Variants in DDC observed in about 807,000 individuals in gnomAD.
DDC encodes aromatic-L-amino-acid decarboxylase.
A neutral mutation model predicts 60.0 loss-of-function variants in DDC; 43 were observed. The observed-to-expected ratio is 0.72, with a 90% CI of 0.56 to 0.92. DDC has a LOEUF of 0.92. DDC is among the 40% of genes least tolerant of loss of function. The probability of loss-of-function intolerance (pLI) is 0.00; values close to 1 mark genes in which losing one functional copy is unlikely to be tolerated. For synonymous variants in DDC, 232 were observed against 234.6 expected (o/e 0.99, Z 0.10); for missense variants, 573 against 620.2 (o/e 0.92, Z 0.81).
chr7:50,523,609 TAAC>T (rs1178073755), intron 6 of DDC, among the ~76,000 whole-genome samples: 3 of 151,976 alleles, frequency 2.0e-5, no homozygotes, highest in African/African-American at 7.2e-5. Context: ...TCAAGTAAAA[TAAC>T]AATAAGATAC....
intron 10 of DDC, among the ~76,000 whole-genome samples, chr7:50,477,905 G>C (rs2042682331): frequency 6.6e-6 from 1 of 152,102 alleles, no homozygotes; most frequent in Admixed American, 6.5e-5. Flanking sequence ...AAAGCACTCA[G>C]TAAGAAATTG....
At chr7:50,507,986 C>T (rs1232379208) in intron 6 of DDC, among the ~76,000 whole-genome samples, 1 of 152,226 alleles carries the variant, frequency 6.6e-6, no homozygotes, top group East Asian at 1.9e-4. Flanking sequence ...AATGTGACCC[C>T]AGGCTTGGTT....
chr7:50,490,076 G>GATTTTACAATGA (rs1562997324), intron 9 of DDC, among the ~76,000 whole-genome samples: 113 of 152,164 alleles, frequency 7.4e-4, no homozygotes, highest in African/African-American at 2.5e-3. Context: ...TTTTACAATG[G>GATTTTACAATGA]CCTCTGTGTG....
chr7:50,506,677 G>A, intron 6 of DDC, among the ~76,000 whole-genome samples: 1 of 152,212 alleles, frequency 6.6e-6, no homozygotes, highest in Non-Finnish European at 1.5e-5. Flanking sequence ...TGTATGTGGG[G>A]CACAGAGACC....
chr7:50,486,252 T>C (rs1210555286), intron 9 of DDC, among the ~76,000 whole-genome samples: 1 of 152,224 alleles, frequency 6.6e-6, no homozygotes, highest in African/African-American at 2.4e-5. Flanking sequence ...TATTTGTATT[T>C]GTAAAACGTA....
Position 50,529,191 on chromosome 7 carries a change from C to A in DDC, c.570+17G>T. On this transcript the variant is annotated intron_variant, in intron 5 of 14. Transcript: ENST00000444124. ...CGGGTCTTGAAGTCTTGGCTGATACCCCCACAACACACTCACCTGATCGGA... is the reference window on the plus strand; with the variant it reads ...CGGGTCTTGAAGTCTTGGCTGATACACCCACAACACACTCACCTGATCGGA... The A allele has an allele frequency of 6.2e-7, 1 of 1,612,608 alleles. No individual in the cohort carries two copies. The highest frequency in any genetic ancestry group is 8.5e-7 in the Non-Finnish European group (1 of 1,180,000).
Position 50,467,231 on chromosome 7 carries a change from C to T in DDC, c.1225G>A (p.Val409Ile). 1 of 1,614,080 alleles carries T rather than the reference C, an allele frequency of 6.2e-7. No individual in the cohort carries two copies. The highest frequency in any genetic ancestry group is 8.5e-7 in the Non-Finnish European group (1 of 1,179,924). The change falls in exon 13 of 15, where the codon GTC (valine) becomes ATC (isoleucine). Residue 409 changes from valine (V) to isoleucine (I), a missense_variant. Transcript: ENST00000444124. ...EICVEVILGLVCFRLKGSNKV... is the reference protein window; with the variant it reads ...EICVEVILGLICFRLKGSNKV... Reference sequence around the variant, plus strand: ...AGACAAACCTTTAGCCGAAAGCAGACAAGCCCCAGAATGACTTCCACACAG... The same window carrying T: ...AGACAAACCTTTAGCCGAAAGCAGATAAGCCCCAGAATGACTTCCACACAG...
At chr7:50,562,936 G>T (rs971301251) in intron 1 of DDC, among the ~76,000 whole-genome samples, 2 of 152,170 alleles carry the variant, frequency 1.3e-5, no homozygotes, top group African/African-American at 4.8e-5. Context: ...GGAGGCCAAG[G>T]TGGGCACATC....
In DDC at chr7:50,462,226, C is replaced by CAAAAAAAAAAAAAAAAA. The variant is rs11410259; in HGVS notation, c.*18+970_*18+986dup. ...TCTTCCACCAAATGGGACAAAAAGA[C>CAAAAAAAAAAAAAAAAA]AAAAAAAAAAAAAAAAAAAAAAGAA... On this transcript the variant is annotated intron_variant, in intron 14 of 14. Transcript: ENST00000444124. Among the ~76,000 whole-genome samples, 528 of 75,270 alleles carry CAAAAAAAAAAAAAAAAA rather than the reference C, an allele frequency of 7.0e-3. 1 individual carries two copies. The highest frequency in any genetic ancestry group is 0.01 in the East Asian group (23 of 2,232). 49.4% of individuals were successfully genotyped at this position (75,270 alleles called of 152,430 possible).
intron 10 of DDC, 152 bp from the exon 11 acceptor site, chr7:50,476,795 A>G: frequency 1.4e-6 from 1 of 705,882 alleles, no homozygotes; most frequent in Non-Finnish European, 2.5e-6. Flanking sequence ...TCTTTGCGGC[A>G]CTTCCCAGGG....
In DDC at chr7:50,520,900, A is replaced by AAAATAAAT. The variant is rs58873202; in HGVS notation, c.714+7229_714+7236dup. On this transcript the variant is annotated intron_variant, in intron 6 of 14. Coordinates refer to ENST00000444124, the MANE Select transcript of DDC (RefSeq NM_001082971.2). ...GCAACAGAGTAAGACTCTGTCTCAG[A>AAAATAAAT]AAATAAATAAATAAATAAATAAATA... Among the ~76,000 whole-genome samples the AAAATAAAT allele has an allele frequency of 4.3e-3, 632 of 147,900 alleles. 3 individuals are homozygous for AAAATAAAT. Among genetic ancestry groups the AAAATAAAT allele is most frequent in the South Asian group, 0.01 (48 of 4,604 alleles).
intron 6 of DDC, among the ~76,000 whole-genome samples, chr7:50,520,236 C>T (rs959695286): frequency 2.4e-4 from 37 of 152,244 alleles, no homozygotes; most frequent in African/African-American, 6.3e-4. Context: ...TTCTTTCTCA[C>T]GCTCACAATC....
At chr7:50,468,552 C>G (rs940750067) in intron 12 of DDC, among the ~76,000 whole-genome samples, 2 of 152,214 alleles carry the variant, frequency 1.3e-5, no homozygotes, top group Admixed American at 6.5e-5. Flanking sequence ...TGCTCGGCAG[C>G]TCCTGGAACT....
chr7:50,480,991 G>C (rs1196601886), intron 9 of DDC, among the ~76,000 whole-genome samples: 1 of 152,206 alleles, frequency 6.6e-6, no homozygotes, highest in Non-Finnish European at 1.5e-5. Flanking sequence ...GCAGTGTGGT[G>C]ACACCATCAC....
chr7:50,511,916 ATAATTATTT>A (rs1433352988), intron 6 of DDC, among the ~76,000 whole-genome samples: 1 of 152,078 alleles, frequency 6.6e-6, no homozygotes, highest in Non-Finnish European at 1.5e-5. Context: ...AACTACATCA[ATAATTATTT>A]TAAATATCAA....
At chr7:50,505,255 T>C (rs2043360625) in intron 6 of DDC, among the ~76,000 whole-genome samples, 1 of 152,224 alleles carries the variant, frequency 6.6e-6, no homozygotes, top group African/African-American at 2.4e-5. Flanking sequence ...GGACATTGCA[T>C]AGATGCTGAA....
chr7:50,463,929 G>A (rs1211775856), intron 13 of DDC, among the ~76,000 whole-genome samples: 2 of 152,098 alleles, frequency 1.3e-5, no homozygotes, highest in Admixed American at 6.5e-5. Flanking sequence ...AGACAAGCAC[G>A]GCCCACCAGC....
At chr7:50,469,832 A>T (rs2042488164) in intron 12 of DDC, among the ~76,000 whole-genome samples, 2 of 152,170 alleles carry the variant, frequency 1.3e-5, no homozygotes, top group Non-Finnish European at 1.5e-5. Context: ...TACAAAAATT[A>T]GCTGGGCATG....
chr7:50,532,698 A>G (rs773081234), intron 4 of DDC, among the ~76,000 whole-genome samples: 13 of 152,250 alleles, frequency 8.5e-5, no homozygotes, highest in Admixed American at 2.6e-4. Flanking sequence ...TTCAATGAAA[A>G]GTAGCTCTTA....
Sources: gnomAD v4.1 joint callset for allele counts (sites outside exome capture counted in the v4.1 genomes callset) on GRCh38, gnomAD v4.1.1 for gene constraint, MANE v1.5 for transcripts, NCBI Gene and HGNC (gene_info 2026-07-23, HGNC 2026-07-21) for gene names.